Variants in MECOM observed in about 807,000 individuals in gnomAD.
The protein encoded by MECOM is MDS1 and EVI1 complex locus.
Under a neutral mutation model 116.3 loss-of-function variants are expected in MECOM, and 13 were observed. The ratio of observed to expected loss-of-function variants is 0.11; its 90% CI spans 0.07 to 0.18. The LOEUF (loss-of-function observed/expected upper bound fraction) is 0.18, where lower values mean the gene tolerates loss of function less well. Among genes scored for constraint, MECOM ranks in the 10% least tolerant of loss-of-function variants. MECOM has a pLI of 1.00. For missense variants in MECOM, 1,299 were observed against 1,509.0 expected (o/e 0.86, Z 2.31); for synonymous variants, 528 against 535.2 (o/e 0.99, Z 0.19).
intron 2 of MECOM, among the ~76,000 whole-genome samples, chr3:169,194,350 A>T (rs904489482): frequency 9.9e-5 from 15 of 151,996 alleles, no homozygotes; most frequent in African/African-American, 3.1e-4. Context: ...GCATTAGGAG[A>T]TATACCTAAT....
chr3:169,336,533 T>C (rs1174083193), intron 2 of MECOM, among the ~76,000 whole-genome samples: 4 of 152,086 alleles, frequency 2.6e-5, no homozygotes, highest in Non-Finnish European at 5.9e-5. Flanking sequence ...ATGTTTAATA[T>C]GCATCAATTC....
intron 2 of MECOM, among the ~76,000 whole-genome samples, chr3:169,284,306 C>T (rs1712801017): frequency 6.6e-6 from 1 of 152,210 alleles, no homozygotes; most frequent in Non-Finnish European, 1.5e-5. Context: ...TTCTAGCAGC[C>T]TCCTTCGTGG....
rs1766058791 is a variant in MECOM at position 169,588,804 on chromosome 3, G to A, written c.37+74532C>T. 2.0e-5 allele frequency among the ~76,000 whole-genome samples: 3 copies of A among 152,042 alleles called. No homozygotes were observed. In the South Asian group the frequency reaches 6.2e-4, roughly 32 times the overall value. On this transcript the variant is annotated intron_variant, in intron 1 of 16. Coordinates refer to ENST00000651503, the MANE Select transcript of MECOM (RefSeq NM_004991.4). ...ATCTCATAAAAGGACACATTGGCAA[G>A]CAAGGATTTAACTCAAAGAAGCTGT...
At chr3:169,501,075 G>A (rs183804185) in intron 1 of MECOM, among the ~76,000 whole-genome samples, 6 of 151,964 alleles carry the variant, frequency 3.9e-5, no homozygotes, top group Admixed American at 2.6e-4. Flanking sequence ...CTCTGTTAAC[G>A]CCTGCATTAA....
In MECOM at chr3:169,099,198, A is replaced by C. The variant is rs560642239; in HGVS notation, c.2849+1687T>G. 6.8e-4 allele frequency among the ~76,000 whole-genome samples: 91 copies of C among 133,916 alleles called. No homozygotes were observed. In the Middle Eastern group the frequency reaches 0.023, roughly 33 times the overall value. The allele number at this position is 133,916 out of a possible 152,430, so 87.9% of individuals were successfully genotyped here. On this transcript the variant is annotated intron_variant, in intron 12 of 16. Coordinates refer to ENST00000651503, the MANE Select transcript of MECOM (RefSeq NM_004991.4). ...TACCAAAATGCTGGTTTGTGGTTTA[A>C]AAAAATATATATGCACAATAATAGA...
chr3:169,607,971 T>C (rs753220612), intron 1 of MECOM, among the ~76,000 whole-genome samples: 2 of 152,190 alleles, frequency 1.3e-5, no homozygotes, highest in African/African-American at 2.4e-5. Context: ...AGACTGTTTG[T>C]CAGTTAAACT....
intron 2 of MECOM, among the ~76,000 whole-genome samples, chr3:169,238,738 T>A (rs1193522159): frequency 1.3e-5 from 2 of 152,140 alleles, no homozygotes; most frequent in Non-Finnish European, 2.9e-5. Flanking sequence ...TAAGATCTCT[T>A]ATAGAATTCA....
intron 1 of MECOM, among the ~76,000 whole-genome samples, chr3:169,390,711 T>C (rs1314688776): frequency 2.0e-5 from 3 of 152,190 alleles, no homozygotes; most frequent in Non-Finnish European, 4.4e-5. Flanking sequence ...CCAACTTGTT[T>C]ATTATAATTA....
intron 2 of MECOM, among the ~76,000 whole-genome samples, chr3:169,183,395 A>T (rs373900269): frequency 6.6e-6 from 1 of 152,176 alleles, no homozygotes; most frequent in African/African-American, 2.4e-5. Context: ...TCTAATGCAC[A>T]CTTTACTATT....
chr3:169,129,449 G>A (rs963621260), intron 4 of MECOM, among the ~76,000 whole-genome samples: 5 of 151,732 alleles, frequency 3.3e-5, no homozygotes, highest in Non-Finnish European at 7.4e-5. Flanking sequence ...GTCAAGCAGA[G>A]AGACCAAGTG....
intron 2 of MECOM, among the ~76,000 whole-genome samples, chr3:169,278,425 A>G (rs1197511444): frequency 6.6e-6 from 1 of 152,258 alleles, no homozygotes; most frequent in Non-Finnish European, 1.5e-5. Flanking sequence ...TATAAACTTT[A>G]AACCACAGTG....
chr3:169,472,548 GA>G (rs1560318143), intron 1 of MECOM, among the ~76,000 whole-genome samples: 93 of 70,868 alleles, frequency 1.3e-3, no homozygotes, highest in East Asian at 1.9e-3. Flanking sequence ...GAAAGGAAAG[GA>G]AAAGAAAAGA....
intron 2 of MECOM, among the ~76,000 whole-genome samples, chr3:169,299,818 C>G (rs911412343): frequency 6.6e-6 from 1 of 152,160 alleles, no homozygotes; most frequent in African/African-American, 2.4e-5. Context: ...CTGCTCTTTG[C>G]CCCACAAAGA....
At chr3:169,475,794 A>T (rs1750279415) in intron 1 of MECOM, among the ~76,000 whole-genome samples, 1 of 152,178 alleles carries the variant, frequency 6.6e-6, no homozygotes, top group Non-Finnish European at 1.5e-5. Flanking sequence ...AACCACCAAT[A>T]ACAAAAACGA....
chr3:169,256,427 T>C (rs1808585), intron 2 of MECOM, among the ~76,000 whole-genome samples: 69,249 of 152,002 alleles, frequency 0.46, 16,083 homozygotes, highest in East Asian at 0.71. Context: ...AATTCAAGGT[T>C]ATATATGTCA....
intron 1 of MECOM, among the ~76,000 whole-genome samples, chr3:169,636,984 T>C (rs1772862679): frequency 6.6e-6 from 1 of 151,784 alleles, no homozygotes; most frequent in South Asian, 2.1e-4. Flanking sequence ...CCTTGTGTAG[T>C]CTCCTCTTCT....
At chr3:169,232,611 C>T (rs1277025121) in intron 2 of MECOM, among the ~76,000 whole-genome samples, 1 of 151,152 alleles carries the variant, frequency 6.6e-6, no homozygotes, top group Non-Finnish European at 1.5e-5. Flanking sequence ...ACTATGGCCC[C>T]ATTTTACATA....
At chr3:169,150,050 G>C (rs1489043553) in intron 2 of MECOM, among the ~76,000 whole-genome samples, 1 of 141,448 alleles carries the variant, frequency 7.1e-6, no homozygotes, top group Non-Finnish European at 1.5e-5. Context: ...TTCTCCTTTA[G>C]GTATATAACA....
chr3:169,305,064 G>A (rs937052685), intron 2 of MECOM, among the ~76,000 whole-genome samples: 1 of 152,182 alleles, frequency 6.6e-6, no homozygotes, highest in African/African-American at 2.4e-5. Context: ...CAGAATAAAT[G>A]AGGTTAGATA....
Sources: allele counts gnomAD v4.1 joint callset (sites outside exome capture counted in the v4.1 genomes callset), GRCh38; gene constraint gnomAD v4.1.1; transcripts MANE v1.5; gene names NCBI Gene and HGNC (gene_info 2026-07-23, HGNC 2026-07-21).